The following LRRC7 variants were observed in gnomAD, a reference collection of about 807,000 sequenced individuals.
LRRC7 encodes leucine rich repeat containing 7.
A neutral mutation model predicts 175.7 loss-of-function variants in LRRC7; 23 were observed. That is an observed-to-expected ratio of 0.13 (90% CI 0.09 to 0.19). The LOEUF is 0.19. LRRC7 is among the 10% of genes least tolerant of loss of function. The pLI, the probability that LRRC7 is intolerant of heterozygous loss-of-function variation, is 1.00. For synonymous variants in LRRC7, 685 were observed against 680.9 expected, an observed-to-expected ratio of 1.01 and a Z score of -0.09; for missense variants, 1,354 against 1,904.7, an observed-to-expected ratio of 0.71 and a Z score of 5.38.
intron 22 of LRRC7, 130 bp from the exon 23 acceptor site, chr1:70,052,896 C>T: frequency 1.2e-6 from 1 of 833,094 alleles, no homozygotes; most frequent in Non-Finnish European, 1.8e-6. Context: ...ATAATATTTG[C>T]AGTTCAGGAT....
chr1:70,087,161 T>C (rs1663678109), intron 24 of LRRC7, among the ~76,000 whole-genome samples: 2 of 152,188 alleles, frequency 1.3e-5, no homozygotes, highest in Non-Finnish European at 2.9e-5. Context: ...CATGTGAAAT[T>C]TGTTTCTCTT....
chr1:69,579,463 C>A (rs1646103151), intron 1 of LRRC7, among the ~76,000 whole-genome samples: 1 of 151,990 alleles, frequency 6.6e-6, no homozygotes, highest in Non-Finnish European at 1.5e-5. Context: ...ATATATGGAC[C>A]ATTCATTCAT....
chr1:69,777,649 T>A (rs1194076090), intron 3 of LRRC7, among the ~76,000 whole-genome samples: 3 of 152,186 alleles, frequency 2.0e-5, no homozygotes, highest in Non-Finnish European at 4.4e-5. Context: ...ACTATTCAGT[T>A]TGGATACCAA....
intron 23 of LRRC7, among the ~76,000 whole-genome samples, chr1:70,063,417 G>C (rs1242216311): frequency 6.6e-6 from 1 of 152,082 alleles, no homozygotes; most frequent in Admixed American, 6.6e-5. Flanking sequence ...AATATGTGAT[G>C]AGAAGTGATG....
intron 23 of LRRC7, among the ~76,000 whole-genome samples, chr1:70,071,412 C>A (rs1662377567): frequency 6.6e-6 from 1 of 151,826 alleles, no homozygotes; most frequent in African/African-American, 2.4e-5. Context: ...AGAAATAGGG[C>A]AAAATACATC....
rs1294439417 is a variant in LRRC7, at chr1:70,140,704, T to A, written c.*18817T>A. 1 of 152,170 alleles carries A rather than the reference T, an allele frequency of 6.6e-6. No homozygotes were observed. Among genetic ancestry groups the A allele is most frequent in the African/African-American group, 2.4e-5 (1 of 41,446 alleles). The allele number at this position is 152,170 out of a possible 1,614,324, so 9.4% of individuals were successfully genotyped here. ...ACTCTCTTGCATGCATTTTCCACCT[T>A]ATTCCCAAACCAGGCTTGAGAAAAA... On this transcript the variant is annotated 3_prime_UTR_variant, in exon 27 of 27. Coordinates refer to ENST00000651989, the MANE Select transcript of LRRC7 (RefSeq NM_001370785.2).
chr1:69,778,446 T>C (rs1268052314), intron 3 of LRRC7, among the ~76,000 whole-genome samples: 1 of 152,172 alleles, frequency 6.6e-6, no homozygotes, highest in Non-Finnish European at 1.5e-5. Context: ...ATTTATTGCA[T>C]AAATACTTAT....
chr1:69,697,387 T>C (rs562398894), intron 2 of LRRC7, among the ~76,000 whole-genome samples: 1 of 152,236 alleles, frequency 6.6e-6, no homozygotes, highest in African/African-American at 2.4e-5. Flanking sequence ...TCAATTCCAC[T>C]GAAGATAGAG....
intron 26 of LRRC7, among the ~76,000 whole-genome samples, chr1:70,108,884 C>T (rs1258210228): frequency 6.6e-6 from 1 of 152,202 alleles, no homozygotes; most frequent in Non-Finnish European, 1.5e-5. Context: ...CAATGTACTG[C>T]GTTCTCTCAG....
chr1:70,004,335 A>G (rs1655806558), intron 11 of LRRC7, among the ~76,000 whole-genome samples: 1 of 152,188 alleles, frequency 6.6e-6, no homozygotes, highest in Non-Finnish European at 1.5e-5. Context: ...AACTTATGTA[A>G]TGTTAAAAAG....
At chr1:70,096,047 G>A (rs975730911) in intron 25 of LRRC7, among the ~76,000 whole-genome samples, 3 of 151,488 alleles carry the variant, frequency 2.0e-5, no homozygotes, top group East Asian at 1.9e-4. Context: ...ATGTGATCTC[G>A]GCTCACTGCA....
chr1:69,906,809 A>T (rs1646330463), intron 7 of LRRC7, among the ~76,000 whole-genome samples: 1 of 152,162 alleles, frequency 6.6e-6, no homozygotes, highest in Admixed American at 6.5e-5. Flanking sequence ...AGTCATTGGT[A>T]GTTTGGTGGG....
intron 2 of LRRC7, among the ~76,000 whole-genome samples, chr1:69,729,289 T>A (rs1667307025): frequency 6.6e-6 from 1 of 152,058 alleles, no homozygotes; most frequent in Non-Finnish European, 1.5e-5. Flanking sequence ...TTTCCAGCAG[T>A]CCCCCAAGGT....
chr1:69,910,244 TGGA>T (rs948016674), intron 7 of LRRC7, among the ~76,000 whole-genome samples: 1 of 152,228 alleles, frequency 6.6e-6, no homozygotes, highest in African/African-American at 2.4e-5. Context: ...TGCGTTCCTT[TGGA>T]GGAGGAGAGG....
At chr1:69,854,740 T>G (rs1417347015) in intron 7 of LRRC7, among the ~76,000 whole-genome samples, 1 of 152,148 alleles carries the variant, frequency 6.6e-6, no homozygotes, top group Non-Finnish European at 1.5e-5. Flanking sequence ...ATAGCAAAAT[T>G]AAAAGTATTA....
At chr1:69,798,127 G>A (rs1174527369) in intron 4 of LRRC7, among the ~76,000 whole-genome samples, 1 of 152,034 alleles carries the variant, frequency 6.6e-6, no homozygotes, top group African/African-American at 2.4e-5. Context: ...TCACCATGTT[G>A]GTCAGGCTGG....
At chr1:69,608,838 C>G (rs1648113411) in intron 1 of LRRC7, among the ~76,000 whole-genome samples, 4 of 43,994 alleles carry the variant, frequency 9.1e-5, no homozygotes, top group East Asian at 1.1e-3. Flanking sequence ...CTCTCTCTCT[C>G]TCTCTCTCTC....
At chr1:69,572,779 G>T (rs1275244358) in intron 1 of LRRC7, among the ~76,000 whole-genome samples, 1 of 152,028 alleles carries the variant, frequency 6.6e-6, no homozygotes, top group African/African-American at 2.4e-5. Flanking sequence ...AGAAGACAAA[G>T]GGGTACATGA....
chr1:69,838,424 A>G, intron 7 of LRRC7, 141 bp downstream of exon 7: 1 of 635,346 alleles, frequency 1.6e-6, no homozygotes, highest in African/African-American at 1.8e-5. Flanking sequence ...AAAGTATGGT[A>G]TACTGTAAAA....
Sources: gnomAD v4.1 joint callset for allele counts (sites outside exome capture counted in the v4.1 genomes callset) on GRCh38, gnomAD v4.1.1 for gene constraint, MANE v1.5 for transcripts, NCBI Gene and HGNC (gene_info 2026-07-23, HGNC 2026-07-21) for gene names.